Variants in CD86 observed in about 807,000 individuals in gnomAD.
CD86 encodes CD86 molecule, also known as T-lymphocyte activation antigen CD86.
In CD86, 11 loss-of-function variants were observed where a neutral mutation model predicts 32.1. The ratio of observed to expected loss-of-function variants is 0.34; its 90% CI spans 0.22 to 0.57. CD86 has a LOEUF of 0.57. Among genes scored for constraint, CD86 ranks in the 20% least tolerant of loss-of-function variants. The probability of loss-of-function intolerance (pLI) is 0.86; values close to 1 mark genes in which losing one functional copy is unlikely to be tolerated. For synonymous variants in CD86, 137 were observed against 135.3 expected, an observed-to-expected ratio of 1.01 and a Z score of -0.09; for missense variants, 359 against 398.4, an observed-to-expected ratio of 0.90 and a Z score of 0.84.
At chr3:122,060,255 G>T (rs1209904232) in intron 1 of CD86, among the ~76,000 whole-genome samples, 1 of 152,200 alleles carries the variant, frequency 6.6e-6, no homozygotes, top group Non-Finnish European at 1.5e-5. Flanking sequence ...GAGAATGACT[G>T]AAAATGTCAG....
At chr3:122,071,780 G>T (rs566921332) in intron 1 of CD86, among the ~76,000 whole-genome samples, 13 of 151,342 alleles carry the variant, frequency 8.6e-5, no homozygotes, top group Non-Finnish European at 1.8e-4. Flanking sequence ...CAATGTGCAG[G>T]TTAGTTACAT....
intron 2 of CD86, among the ~76,000 whole-genome samples, chr3:122,097,567 G>A (rs1253874259): frequency 2.0e-5 from 3 of 151,714 alleles, no homozygotes; most frequent in African/African-American, 7.3e-5. Context: ...CAGACTTAGG[G>A]GGTCGCCTTA....
intron 1 of CD86, among the ~76,000 whole-genome samples, chr3:122,085,643 G>GT (rs1370824036): frequency 6.6e-6 from 1 of 152,214 alleles, no homozygotes; most frequent in Non-Finnish European, 1.5e-5. Flanking sequence ...CTGAAGGAGC[G>GT]TGTGGGCTCT....
intron 1 of CD86, among the ~76,000 whole-genome samples, chr3:122,071,300 C>A (rs1471788699): frequency 6.6e-6 from 1 of 152,168 alleles, no homozygotes; most frequent in African/African-American, 2.4e-5. Flanking sequence ...CACCCCTCCC[C>A]AACCCCTGGA....
At chr3:122,095,657 G>A (rs971255709) in intron 2 of CD86, among the ~76,000 whole-genome samples, 6 of 152,118 alleles carry the variant, frequency 3.9e-5, no homozygotes, top group Non-Finnish European at 7.3e-5. Flanking sequence ...ATAGACAGTC[G>A]AGACCTATCA....
intron 3 of CD86, 43 bp from the exon 4 acceptor site, chr3:122,106,155 C>A: frequency 1.4e-6 from 2 of 1,459,256 alleles, no homozygotes; most frequent in Non-Finnish European, 1.8e-6. Context: ...CTAGATACAT[C>A]TAAACTTAGA....
At chr3:122,085,295 C>G (rs2072698423) in intron 1 of CD86, among the ~76,000 whole-genome samples, 1 of 152,272 alleles carries the variant, frequency 6.6e-6, no homozygotes, top group Middle Eastern at 3.4e-3. Flanking sequence ...CAGTAACCTT[C>G]TTATTTTGTA....
chr3:122,107,479 G>A (rs528694324), intron 4 of CD86, among the ~76,000 whole-genome samples: 35 of 152,278 alleles, frequency 2.3e-4, no homozygotes, highest in African/African-American at 8.2e-4. Context: ...ACTAATAGGA[G>A]CCTGACATTT....
chr3:122,121,122 T>C lies in CD86; in HGVS notation c.*1588T>C, dbSNP rs2073338197. The C allele has an allele frequency of 6.6e-6, 1 of 152,248 alleles. No individual in the cohort carries two copies. The highest frequency in any genetic ancestry group is 2.4e-5 in the African/African-American group (1 of 41,464). The allele number at this position is 152,248 out of a possible 1,614,324, so 9.4% of individuals were successfully genotyped here. On this transcript the variant is annotated 3_prime_UTR_variant, in exon 7 of 7. Transcript: ENST00000330540. ...TTTGTGCAGCACAGTTTTTAATAAA[T>C]GCTTGTTACATTCATTTAAAAGTCT...
intron 5 of CD86, among the ~76,000 whole-genome samples, chr3:122,111,723 G>T (rs1455695517): frequency 6.6e-6 from 1 of 152,174 alleles, no homozygotes; most frequent in African/African-American, 2.4e-5. Flanking sequence ...GCTGAATTCT[G>T]CCAAGAGACC....
rs747878841 is a variant in CD86, at chr3:122,086,567, A to G, written c.15-5034A>G. The G allele has an allele frequency of 4.2e-5, 20 of 478,178 alleles. No homozygotes were observed. In the East Asian group the frequency reaches 1.1e-3, roughly 27 times the overall value. The allele number at this position is 478,178 out of a possible 1,614,324, so 29.6% of individuals were successfully genotyped here. On this transcript the variant is annotated intron_variant, in intron 1 of 6. Coordinates refer to ENST00000330540, the MANE Select transcript of CD86 (RefSeq NM_175862.5). ...AGATATGGCTTAGATGGTCCACAGT[A>G]GTGTGCACCTGAAGCCTAAATCCAC... is the stretch of plus-strand genomic sequence containing the variant.
intron 5 of CD86, among the ~76,000 whole-genome samples, chr3:122,111,939 C>A (rs1407301084): frequency 6.6e-6 from 1 of 152,210 alleles, no homozygotes; most frequent in South Asian, 2.1e-4. Flanking sequence ...TATATTTACC[C>A]AGTTTAGGCT....
intron 2 of CD86, 118 bp from the exon 3 acceptor site, chr3:122,103,394 C>T: frequency 1.4e-6 from 1 of 695,928 alleles, no homozygotes; most frequent in Non-Finnish European, 2.4e-6. Context: ...AGCTTAATAT[C>T]TTATTCTTCA....
rs72402574 is a variant in CD86, at chr3:122,101,495, GAAA to G, written c.65-2000_65-1998del. 9.1e-3 allele frequency among the ~76,000 whole-genome samples: 486 copies of G among 53,216 alleles called. 3 individuals are homozygous for G. The highest frequency in any genetic ancestry group is 0.029 in the African/African-American group (435 of 15,230). The allele number at this position is 53,216 out of a possible 152,430, so 34.9% of individuals were successfully genotyped here. A position where few individuals can be genotyped will look rare whatever the true frequency, so the allele number is the denominator to read the frequency against. On this transcript the variant is annotated intron_variant, in intron 2 of 6. Transcript: ENST00000330540. ...AAAGAAGATACTGTGAGGCTCTACA[GAAA>G]AAAAAAAAAAAAAAAATATATATAT...
chr3:122,071,880 TC>T (rs1210422312), intron 1 of CD86, among the ~76,000 whole-genome samples: 2 of 60,362 alleles, frequency 3.3e-5, no homozygotes, highest in Non-Finnish European at 6.1e-5. Context: ...CCCTCCCCCC[TC>T]CCCCCACCCC....
chr3:122,074,505 A>G (rs1205415630), intron 1 of CD86, among the ~76,000 whole-genome samples: 2 of 152,246 alleles, frequency 1.3e-5, no homozygotes, highest in African/African-American at 4.8e-5. Flanking sequence ...TCTGTATTAG[A>G]ACTACCATCA....
At chr3:122,119,266 C>T (rs1251637126) in intron 6 of CD86, among the ~76,000 whole-genome samples, 172 bp from the exon 7 acceptor site, 1 of 152,220 alleles carries the variant, frequency 6.6e-6, no homozygotes, top group Non-Finnish European at 1.5e-5. Context: ...GCATAGATGA[C>T]AGTGTAGACC....
intron 1 of CD86, among the ~76,000 whole-genome samples, chr3:122,091,385 T>C (rs374358183): frequency 2.6e-3 from 392 of 152,292 alleles, no homozygotes; most frequent in Non-Finnish European, 3.4e-3. Flanking sequence ...GAAGCCAGTC[T>C]CATGGCCTGT....
At chr3:122,085,042 C>T (rs2072694304) in intron 1 of CD86, among the ~76,000 whole-genome samples, 1 of 152,178 alleles carries the variant, frequency 6.6e-6, no homozygotes, top group Admixed American at 6.5e-5. Context: ...TTCTACTAAA[C>T]TGTAGGCAAC....
Sources: gnomAD v4.1 joint callset for allele counts (sites outside exome capture counted in the v4.1 genomes callset) on GRCh38, gnomAD v4.1.1 for gene constraint, MANE v1.5 for transcripts, NCBI Gene and HGNC (gene_info 2026-07-23, HGNC 2026-07-21) for gene names.